Variants in SNX7 observed in about 807,000 individuals in gnomAD.
SNX7 encodes sorting nexin 7, also known as sorting nexin-7.
Under a neutral mutation model 48.4 loss-of-function variants are expected in SNX7, and 35 were observed. That is an observed-to-expected ratio of 0.72 (90% CI 0.55 to 0.96). The LOEUF (loss-of-function observed/expected upper bound fraction) is 0.96. Ranked by LOEUF, SNX7 falls within the 40% of genes least tolerant of loss-of-function variation. The probability of loss-of-function intolerance (pLI) is 0.00; values close to 1 mark genes in which losing one functional copy is unlikely to be tolerated. For missense variants in SNX7, 553 were observed against 548.9 expected (o/e 1.01, Z -0.07); for synonymous variants, 190 against 190.2 (o/e 1.00, Z 0.01).
chr1:98,685,144 A>G (rs1036902116), intron 2 of SNX7, 77 bp downstream of exon 2: 6 of 901,172 alleles, frequency 6.7e-6, no homozygotes, highest in Non-Finnish European at 9.4e-6. Flanking sequence ...CTTGTTCATT[A>G]TAATTCTGAA....
intron 8 of SNX7, among the ~76,000 whole-genome samples, chr1:98,749,858 C>T (rs1654497639): frequency 6.6e-6 from 1 of 152,022 alleles, no homozygotes. Context: ...TGGGCTTCAA[C>T]GTTTTCTCAA....
chr1:98,747,771 T>G (rs919475951), intron 8 of SNX7, among the ~76,000 whole-genome samples: 15 of 152,136 alleles, frequency 9.9e-5, no homozygotes, highest in Non-Finnish European at 1.8e-4. Context: ...TTATTTTTAT[T>G]TATTTCTAAA....
chr1:98,691,153 C>T lies in SNX7; in HGVS notation c.442C>T (p.Leu148=), dbSNP rs1348156191. The T allele has an allele frequency of 6.2e-7, 1 of 1,609,920 alleles. No homozygotes were observed. The highest frequency in any genetic ancestry group is 1.3e-5 in the African/African-American group (1 of 74,632). The change falls in exon 3 of 9, where the codon CTG becomes TTG. Residue 148 remains leucine, a synonymous_variant. Transcript: ENST00000306121. ...YQDFLWLKGK[L]EEAHPTLIIP... The stretch of plus-strand genomic sequence containing the variant: ...AGATTTCCTTTGGTTGAAGGGAAAA[C>T]TGGAAGAAGCACACCCCACTCTGAT...
At chr1:98,728,485 A>G (rs1653312044) in intron 7 of SNX7, among the ~76,000 whole-genome samples, 1 of 152,194 alleles carries the variant, frequency 6.6e-6, no homozygotes, top group Non-Finnish European at 1.5e-5. Context: ...AAATGCTCCA[A>G]TTAAAAGACA....
intron 5 of SNX7, among the ~76,000 whole-genome samples, chr1:98,698,428 T>C (rs1391966260): frequency 6.6e-6 from 1 of 152,122 alleles, no homozygotes; most frequent in Non-Finnish European, 1.5e-5. Context: ...TAAATAGATA[T>C]GATGGTCATA....
chr1:98,688,433 A>G (rs1170999382), intron 2 of SNX7, among the ~76,000 whole-genome samples: 1 of 152,206 alleles, frequency 6.6e-6, no homozygotes, highest in Non-Finnish European at 1.5e-5. Context: ...ATATAAGAGT[A>G]AGAATGAAGA....
chr1:98,695,443 T>C (rs1651398548), intron 4 of SNX7, 75 bp from the exon 5 acceptor site: 3 of 1,360,986 alleles, frequency 2.2e-6, no homozygotes, highest in Non-Finnish European at 3.1e-6. Context: ...ATTCTCCTAA[T>C]TAGGTTTATT....
chr1:98,662,171 G>A (rs762253559), intron 1 of SNX7: 1 of 341,370 alleles, frequency 2.9e-6, no homozygotes, highest in African/African-American at 2.1e-5. Context: ...GTGGCTTAGT[G>A]GAGTCTGCAA....
intron 1 of SNX7, among the ~76,000 whole-genome samples, chr1:98,681,409 A>G (rs1197256302): frequency 5.9e-5 from 9 of 152,226 alleles, no homozygotes; most frequent in Admixed American, 5.9e-4. Context: ...CCAGGGCAAC[A>G]TAGCAAGACC....
chr1:98,749,965 A>C (rs918152071), intron 8 of SNX7, among the ~76,000 whole-genome samples: 2 of 152,060 alleles, frequency 1.3e-5, no homozygotes, highest in Non-Finnish European at 1.5e-5. Context: ...CTTACTGAGA[A>C]AGATGTAATT....
At chr1:98,714,027 G>GA (rs1035354594) in intron 7 of SNX7, among the ~76,000 whole-genome samples, 2 of 151,966 alleles carry the variant, frequency 1.3e-5, no homozygotes, top group Non-Finnish European at 2.9e-5. Flanking sequence ...CAATTTGTTA[G>GA]AAAAAAAATG....
chr1:98,711,674 G>A (rs929175905), intron 7 of SNX7, among the ~76,000 whole-genome samples: 3 of 152,166 alleles, frequency 2.0e-5, no homozygotes, highest in Non-Finnish European at 4.4e-5. Context: ...TTTCCTTTAT[G>A]TTGATGGCTG....
chr1:98,723,127 A>G (rs945927362), intron 7 of SNX7, among the ~76,000 whole-genome samples: 5 of 152,212 alleles, frequency 3.3e-5, no homozygotes, highest in African/African-American at 1.2e-4. Context: ...ATGAATGCTA[A>G]GGAAATGAAT....
chr1:98,667,865 C>T (rs533490147), intron 1 of SNX7, among the ~76,000 whole-genome samples: 48 of 151,162 alleles, frequency 3.2e-4, no homozygotes, highest in Non-Finnish European at 6.5e-4. Context: ...CTAAGGCCTA[C>T]ATCCTGATCT....
At chr1:98,759,853 T>C (rs1484864551) in intron 8 of SNX7, among the ~76,000 whole-genome samples, 2 of 152,050 alleles carry the variant, frequency 1.3e-5, no homozygotes, top group Non-Finnish European at 2.9e-5. Context: ...TTTTAACCTT[T>C]AATATGTTTT....
chr1:98,695,550 C>G lies in SNX7; in HGVS notation c.672C>G (p.Gly224=). The G allele has an allele frequency of 6.2e-7, 1 of 1,614,124 alleles. No individual in the cohort carries two copies. Among genetic ancestry groups the G allele is most frequent in the East Asian group, 2.2e-5 (1 of 44,868 alleles). Reference sequence around the variant, plus strand: ...CTTCTCACAAGAAGCAAGGTCCTGGCTTGCTAAGCAGGATGGGGCAAACCG... The same window carrying G: ...CTTCTCACAAGAAGCAAGGTCCTGGGTTGCTAAGCAGGATGGGGCAAACCG... The part of the protein sequence containing the change: ...ELSSHKKQGP[G]LLSRMGQTVR... The change falls in exon 5 of 9, where the codon GGC becomes GGG. Residue 224 remains glycine, a synonymous_variant. Transcript: ENST00000306121.
intron 1 of SNX7, among the ~76,000 whole-genome samples, chr1:98,663,637 G>A (rs1210329742): frequency 6.6e-6 from 1 of 152,110 alleles, no homozygotes; most frequent in African/African-American, 2.4e-5. Context: ...AGCATTTCTG[G>A]TGAATTGCCT....
At position 98,695,601 on chromosome 1, in the gene SNX7, A is replaced by G. The variant is rs772593952; in HGVS notation, c.723A>G (p.Arg241=). 6.2e-7 allele frequency: 1 copy of G among 1,614,142 alleles called. No individual in the cohort carries two copies. Among genetic ancestry groups the G allele is most frequent in the East Asian group, 2.2e-5 (1 of 44,868 alleles). ...QTVRAVASSM[R]GVKNRPEEFM... is the part of the protein sequence containing the mutation. The stretch of plus-strand genomic sequence containing the variant: ...TCAGAGCTGTTGCGTCCTCAATGAG[A>G]GGAGTTAAAAACCGCCCAGAGGAGT... The change falls in exon 5 of 9, where the codon AGA becomes AGG. Residue 241 remains arginine, a synonymous_variant. Coordinates refer to ENST00000306121, the MANE Select transcript of SNX7 (RefSeq NM_015976.5).
intron 4 of SNX7, among the ~76,000 whole-genome samples, chr1:98,693,350 A>T (rs1651253481): frequency 6.6e-6 from 1 of 152,222 alleles, no homozygotes. Flanking sequence ...GATACCAGAC[A>T]GGACAAAGGG....
Sources: gnomAD v4.1 joint callset for allele counts (sites outside exome capture counted in the v4.1 genomes callset) on GRCh38, gnomAD v4.1.1 for gene constraint, MANE v1.5 for transcripts, NCBI Gene and HGNC (gene_info 2026-07-23, HGNC 2026-07-21) for gene names.